Variants in RPL3 observed in about 807,000 individuals in gnomAD.
RPL3 encodes the protein ribosomal protein L3.
Under a neutral mutation model 46.0 loss-of-function variants are expected in RPL3, and 3 were observed. The observed-to-expected ratio is 0.07, with a 90% CI of 0.03 to 0.17. The LOEUF is 0.17. Among genes scored for constraint, RPL3 ranks in the 10% least tolerant of loss-of-function variants. The probability of loss-of-function intolerance (pLI) is 1.00; values close to 1 mark genes in which losing one functional copy is unlikely to be tolerated. For synonymous variants in RPL3, 224 were observed against 190.8 expected, an observed-to-expected ratio of 1.17 and a Z score of -1.43; for missense variants, 387 against 532.7, an observed-to-expected ratio of 0.73 and a Z score of 2.69.
chr22:39,315,885 C>G (rs1030542021), intron 4 of RPL3, among the ~76,000 whole-genome samples: 1 of 152,160 alleles, frequency 6.6e-6, no homozygotes, highest in Non-Finnish European at 1.5e-5. Context: ...GTGGTTTTAC[C>G]TCAGCCACCT....
At chr22:39,314,328 T>TA in intron 6 of RPL3, 120 bp from the exon 7 acceptor site, 2 of 866,140 alleles carry the variant, frequency 2.3e-6, no homozygotes, top group Non-Finnish European at 3.7e-6. Flanking sequence ...AGTCACAGCG[T>TA]ATCCCAAGGT....
chr22:39,319,158 A>G (rs546877290), intron 1 of RPL3: 2 of 544,168 alleles, frequency 3.7e-6, no homozygotes, highest in South Asian at 2.8e-5. Flanking sequence ...CAGCGGCCCC[A>G]GATATTCAGG....
In RPL3 at chr22:39,318,232, T is replaced by G. The variant is rs947171497; in HGVS notation, c.196+168A>C. The stretch of plus-strand genomic sequence containing the variant: ...GCTGACCATCTGTAGCCTTGGAATA[T>G]TAGTTTTCAAGTTAAGCATTCCCAT... On this transcript the variant is annotated intron_variant, in intron 2 of 9. Coordinates refer to ENST00000216146, the MANE Select transcript of RPL3 (RefSeq NM_000967.4). The G allele has an allele frequency of 6.1e-6, 4 of 650,688 alleles. No individual in the cohort carries two copies. In the African/African-American group the frequency reaches 7.4e-5, roughly 12 times the overall value. 40.3% of individuals were successfully genotyped at this position (650,688 alleles called of 1,614,324 possible).
At chr22:39,318,627 C>T (rs1367748927) in intron 1 of RPL3, 35 bp from the exon 2 acceptor site, 1 of 1,544,860 alleles carries the variant, frequency 6.5e-7, no homozygotes, top group South Asian at 1.2e-5. Context: ...AGCACCCAAA[C>T]CAAAGCAGTG....
chr22:39,315,982 G>A (rs533739611), intron 4 of RPL3, among the ~76,000 whole-genome samples: 1 of 152,284 alleles, frequency 6.6e-6, no homozygotes, highest in East Asian at 1.9e-4. Context: ...GCTCACACCT[G>A]TAATCCCAGC....
chr22:39,317,361 C>T, intron 3 of RPL3, 100 bp downstream of exon 3: 2 of 1,363,712 alleles, frequency 1.5e-6, no homozygotes, highest in Non-Finnish European at 2.0e-6. Context: ...AAGACAGCAG[C>T]TCCCTGCCTG....
At position 39,317,501 on chromosome 22, in the gene RPL3, G is replaced by A; in HGVS notation, c.325C>T (p.His109Tyr). The A allele has an allele frequency of 6.2e-7, 1 of 1,613,964 alleles. No individual in the cohort carries two copies. Among genetic ancestry groups the A allele is most frequent in the Non-Finnish European group, 8.5e-7 (1 of 1,179,874 alleles). Reference protein sequence around the residue: ...LRTFKTVFAEHISDECKRRFY... With the variant: ...LRTFKTVFAEYISDECKRRFY... ...CGCCTCTTGCATTCATCACTGATGT[G>A]CTCAGCAAAGACAGTCTTGAAGGTC... The change falls in exon 3 of 10, where the codon CAC (histidine) becomes TAC (tyrosine). Residue 109 changes from histidine (H) to tyrosine (Y), a missense_variant. Transcript: ENST00000216146.
intron 8 of RPL3, 68 bp from the exon 9 acceptor site, chr22:39,313,378 C>A: frequency 5.0e-6 from 8 of 1,591,978 alleles, no homozygotes; most frequent in Non-Finnish European, 6.9e-6. Context: ...CTGTTCACAG[C>A]GCCCCTGCAT....
intron 6 of RPL3, 148 bp downstream of exon 6, chr22:39,314,538 G>T: frequency 1.0e-6 from 1 of 970,998 alleles, no homozygotes; most frequent in Non-Finnish European, 1.5e-6. Context: ...CATCAAGATG[G>T]GCCAGAACTG....
Position 39,313,043 on chromosome 22 carries a change from C to A in RPL3, c.1168-59G>T. The A allele has an allele frequency of 1.9e-6, 3 of 1,612,410 alleles. No homozygotes were observed. In the South Asian group the frequency reaches 3.3e-5, roughly 18 times the overall value. On this transcript the variant is annotated intron_variant, in intron 9 of 9. Coordinates refer to ENST00000216146, the MANE Select transcript of RPL3 (RefSeq NM_000967.4). ...GATGACAGGTGACAGCAGATGCCCA[C>A]TCTAGAGGAGACCAAGACTCTGGGC...
chr22:39,318,722 A>G, intron 1 of RPL3, 130 bp from the exon 2 acceptor site: 1 of 756,736 alleles, frequency 1.3e-6, no homozygotes, highest in South Asian at 1.9e-5. Context: ...AAGCCGAATA[A>G]AAAGGTCATT....
chr22:39,314,134 G>A lies in RPL3; in HGVS notation c.924C>T (p.Asp308=). ...GAGGGTTGATGCTCTTGTCAGATAG[G>A]TCATAGTCAGTGGAGGCATTGTTCT... ...LIKNNASTDY[D]LSDKSINPLG... is the part of the protein sequence containing the mutation. Residue 308 remains aspartate (D), a synonymous_variant, in exon 7 of 10, where the codon GAC becomes GAT. Transcript: ENST00000216146. 6.2e-7 allele frequency: 1 copy of A among 1,613,144 alleles called. No homozygotes were observed. The highest frequency in any genetic ancestry group is 8.5e-7 in the Non-Finnish European group (1 of 1,179,988).
Position 39,314,227 on chromosome 22 carries a change from T to C in RPL3, c.850-19A>G, listed in dbSNP as rs368998859. 1 of 1,606,796 alleles carries C rather than the reference T, an allele frequency of 6.2e-7. No homozygotes were observed. The highest frequency in any genetic ancestry group is 8.5e-7 in the Non-Finnish European group (1 of 1,173,606). On this transcript the variant is annotated intron_variant, in intron 6 of 9. Transcript: ENST00000216146. Reference sequence around the variant, plus strand: ...TATAAATCTGAATGAACAAGAAGGGTGTAAGGCTGGGGCATTAGGGACAAA... The same window carrying C: ...TATAAATCTGAATGAACAAGAAGGGCGTAAGGCTGGGGCATTAGGGACAAA...
At chr22:39,315,286 C>T (rs959059714) in intron 5 of RPL3, 83 bp downstream of exon 5, 3 of 1,573,784 alleles carry the variant, frequency 1.9e-6, no homozygotes, top group Admixed American at 3.3e-5. Flanking sequence ...AGCGCTCACT[C>T]TGAGCCTCAT....
At chr22:39,317,276 A>G in intron 3 of RPL3, 185 bp downstream of exon 3, 1 of 691,944 alleles carries the variant, frequency 1.4e-6, no homozygotes, top group Admixed American at 3.0e-5. Context: ...TGAGGGTGTT[A>G]GCTTCCGGCT....
chr22:39,314,360 C>T (rs572539925), intron 6 of RPL3, 152 bp from the exon 7 acceptor site: 13 of 690,196 alleles, frequency 1.9e-5, no homozygotes, highest in Non-Finnish European at 3.0e-5. Flanking sequence ...GCTGGCTGGC[C>T]CTCCAGGTTC....
chr22:39,316,876 G>C (rs1922729771), intron 3 of RPL3, 35 bp from the exon 4 acceptor site: 1 of 1,613,110 alleles, frequency 6.2e-7, no homozygotes, highest in Admixed American at 1.7e-5. Flanking sequence ...GAGGGGACCA[G>C]GTGCAGGCCT....
In RPL3 at chr22:39,314,119, G is replaced by A. The variant is rs775002800; in HGVS notation, c.939C>T (p.Ser313=). The A allele has an allele frequency of 1.3e-5, 21 of 1,612,968 alleles. 1 individual carries two copies. Among genetic ancestry groups the A allele is most frequent in the Admixed American group, 1.0e-4 (6 of 60,026 alleles). ...ASTDYDLSDK[S]INPLGGFVHY... ...ACCCATTACTTACCAGAGGGTTGAT[G>A]CTCTTGTCAGATAGGTCATAGTCAG... The change falls in exon 7 of 10, where the codon AGC becomes AGT. Residue 313 remains serine, a synonymous_variant. Coordinates refer to ENST00000216146, the MANE Select transcript of RPL3 (RefSeq NM_000967.4).
chr22:39,315,321 A>C, intron 5 of RPL3, 48 bp downstream of exon 5: 1 of 1,612,116 alleles, frequency 6.2e-7, no homozygotes, highest in South Asian at 1.1e-5. Context: ...GCCTGAAACC[A>C]CTTCTCCCCC....
Sources: allele counts gnomAD v4.1 joint callset (sites outside exome capture counted in the v4.1 genomes callset), GRCh38; gene constraint gnomAD v4.1.1; transcripts MANE v1.5; gene names NCBI Gene and HGNC (gene_info 2026-07-23, HGNC 2026-07-21).